KDM2B: variants seen among roughly 807,000 people sequenced by gnomAD.
KDM2B encodes the protein lysine demethylase 2B.
A neutral mutation model predicts 150.0 loss-of-function variants in KDM2B; 26 were observed. The ratio of observed to expected loss-of-function variants is 0.17; its 90% CI spans 0.13 to 0.24. The LOEUF is 0.24. Ranked by LOEUF, KDM2B falls within the 10% of genes least tolerant of loss-of-function variation. The pLI, the probability that KDM2B is intolerant of heterozygous loss-of-function variation, is 1.00. For missense variants in KDM2B, 1,265 were observed against 1,816.9 expected (o/e 0.70, Z 5.52); for synonymous variants, 734 against 729.5 (o/e 1.01, Z -0.10).
chr12:121,538,790 C>T (rs1211371256), intron 6 of KDM2B, among the ~76,000 whole-genome samples: 2 of 152,114 alleles, frequency 1.3e-5, no homozygotes, highest in Non-Finnish European at 2.9e-5. Flanking sequence ...CTATCAGAGG[C>T]AGTGCTCACC....
chr12:121,478,228 T>C (rs1342432972), intron 12 of KDM2B, among the ~76,000 whole-genome samples: 1 of 151,868 alleles, frequency 6.6e-6, no homozygotes, highest in Admixed American at 6.6e-5. Flanking sequence ...GTTTGTTATA[T>C]AGGTAAATGG....
chr12:121,445,585 A>G (rs782545119), intron 13 of KDM2B, among the ~76,000 whole-genome samples, 167 bp from the exon 14 acceptor site: 2 of 152,202 alleles, frequency 1.3e-5, no homozygotes, highest in Non-Finnish European at 2.9e-5. Flanking sequence ...GTATCAGGCT[A>G]CTACCTCCAC....
chr12:121,516,900 A>AG (rs1555305111), intron 9 of KDM2B: 1 of 670,054 alleles, frequency 1.5e-6, no homozygotes, highest in East Asian at 2.7e-5. Flanking sequence ...GGAAAAAAAA[A>AG]AAAGTCCAAT....
At chr12:121,516,956 A>G in intron 9 of KDM2B, 1 of 636,992 alleles carries the variant, frequency 1.6e-6, no homozygotes, top group Admixed American at 2.8e-5. Flanking sequence ...GCAATTTCCA[A>G]ATAGATTCAG....
At position 121,523,805 on chromosome 12, in the gene KDM2B, G is replaced by C. The variant is rs1452222418; in HGVS notation, c.932-2705C>G. On this transcript the variant is annotated intron_variant, in intron 8 of 22. Transcript: ENST00000377071. ...AACCTCGTTCTGTGCCTGGCTCCCC[G>C]GGTCTCTGGCGTGAGCCATGAAAGA... 3.9e-5 allele frequency among the ~76,000 whole-genome samples: 6 copies of C among 152,222 alleles called. 1 individual carries two copies. Among genetic ancestry groups the C allele is most frequent in the African/African-American group, 1.4e-4 (6 of 41,454 alleles).
At position 121,533,279 on chromosome 12, in the gene KDM2B, G is replaced by C. The variant is rs1887817489; in HGVS notation, c.778-320C>G. Among the ~76,000 whole-genome samples, 1 of 152,196 alleles carries C rather than the reference G, an allele frequency of 6.6e-6. No homozygotes were observed. Among genetic ancestry groups the C allele is most frequent in the Non-Finnish European group, 1.5e-5 (1 of 68,030 alleles). On this transcript the variant is annotated intron_variant, in intron 7 of 22. Coordinates refer to ENST00000377071, the MANE Select transcript of KDM2B (RefSeq NM_032590.5). The surrounding 1 kb of genome is among the most constrained non-coding windows in gnomAD (Gnocchi z 4.1). ...TTGTCTAGGAGGTGGGGGAAGGAGA[G>C]GAAGGGAATTTCCTAAGTTGTAAGA...
At chr12:121,570,166 C>A (rs1209157850) in intron 4 of KDM2B, among the ~76,000 whole-genome samples, 1 of 152,126 alleles carries the variant, frequency 6.6e-6, no homozygotes, top group Non-Finnish European at 1.5e-5. Context: ...TCTCCTGCCT[C>A]AGCCCCCCAA....
chr12:121,483,510 T>TA (rs1212884658), intron 12 of KDM2B, among the ~76,000 whole-genome samples: 6 of 151,474 alleles, frequency 4.0e-5, no homozygotes, highest in East Asian at 1.9e-4. Context: ...CCATCTCTAC[T>TA]AAAAAAAATA....
chr12:121,505,789 T>A (rs1555302828), intron 11 of KDM2B, among the ~76,000 whole-genome samples: 1 of 152,034 alleles, frequency 6.6e-6, no homozygotes, highest in African/African-American at 2.4e-5. Flanking sequence ...GAAACACGAA[T>A]CCCTCAATGG....
intron 13 of KDM2B, among the ~76,000 whole-genome samples, chr12:121,450,974 C>T (rs536350091): frequency 1.1e-4 from 17 of 152,272 alleles, no homozygotes; most frequent in Admixed American, 5.9e-4. Context: ...AAAATAGAAT[C>T]GTCATATGAC....
At chr12:121,448,081 G>A (rs1039335073) in intron 13 of KDM2B, among the ~76,000 whole-genome samples, 3 of 152,100 alleles carry the variant, frequency 2.0e-5, no homozygotes, top group African/African-American at 7.2e-5. Flanking sequence ...CACTTTGGGA[G>A]GCCAAGGCAG....
rs113925677 is a variant in KDM2B at position 121,571,653 on chromosome 12, A to AT, written c.397+2893dup. Among the ~76,000 whole-genome samples the AT allele has an allele frequency of 3.3e-3, 438 of 134,098 alleles. 2 individuals are homozygous for AT. Among genetic ancestry groups the AT allele is most frequent in the South Asian group, 0.012 (49 of 4,190 alleles). The allele number at this position is 134,098 out of a possible 152,430, so 88.0% of individuals were successfully genotyped here. ...TTTATAGTATGTGAATATGATCTCAATTTTTTTTTTTTTTTGAGACAGTGT... is the reference window on the plus strand; with the variant it reads ...TTTATAGTATGTGAATATGATCTCAATTTTTTTTTTTTTTTTGAGACAGTGT... On this transcript the variant is annotated intron_variant, in intron 4 of 22. Coordinates refer to ENST00000377071, the MANE Select transcript of KDM2B (RefSeq NM_032590.5).
chr12:121,540,899 G>C (rs138063816), intron 6 of KDM2B, among the ~76,000 whole-genome samples: 21 of 151,916 alleles, frequency 1.4e-4, no homozygotes, highest in African/African-American at 4.8e-4. Context: ...GCAGGGCAGA[G>C]ATGGCAGGAC....
intron 3 of KDM2B, 77 bp from the exon 4 acceptor site, chr12:121,574,670 G>A: frequency 2.2e-6 from 3 of 1,343,392 alleles, no homozygotes; most frequent in Non-Finnish European, 3.2e-6. Flanking sequence ...CCGGGGGGAA[G>A]CCATTTTTCC....
intron 6 of KDM2B, among the ~76,000 whole-genome samples, chr12:121,539,356 GAA>G (rs1486233277): frequency 1.2e-5 from 1 of 84,708 alleles, no homozygotes; most frequent in Admixed American, 1.2e-4. Context: ...AAAAAAAAAA[GAA>G]AGAAAAGGAT....
intron 4 of KDM2B, among the ~76,000 whole-genome samples, chr12:121,552,340 C>T (rs1889566294): frequency 1.3e-5 from 2 of 152,128 alleles, no homozygotes; most frequent in African/African-American, 2.4e-5. Flanking sequence ...TCCCATCCCC[C>T]GAATACTGAA....
intron 11 of KDM2B, 31 bp downstream of exon 11, chr12:121,509,536 C>A: frequency 6.2e-7 from 1 of 1,602,956 alleles, no homozygotes; most frequent in South Asian, 1.1e-5. Flanking sequence ...CCCTCCTCGG[C>A]CGCCCAGCCC....
intron 4 of KDM2B, among the ~76,000 whole-genome samples, chr12:121,563,643 G>A (rs1161146472): frequency 6.6e-6 from 1 of 151,184 alleles, no homozygotes; most frequent in Non-Finnish European, 1.5e-5. Flanking sequence ...AAAAGGCCAG[G>A]CACAGTGGCT....
At chr12:121,531,981 TACTTGGGAGGCTGAG>T (rs1289912583) in intron 8 of KDM2B, among the ~76,000 whole-genome samples, 34 of 151,984 alleles carry the variant, frequency 2.2e-4, no homozygotes, top group Middle Eastern at 3.4e-3. Context: ...TAATCCCAGC[TACTTGGGAGGCTGAG>T]ACTTGGGAGG....
Sources: allele counts gnomAD v4.1 joint callset (sites outside exome capture counted in the v4.1 genomes callset), GRCh38; gene constraint gnomAD v4.1.1; non-coding constraint Gnocchi (gnomAD v3.1); transcripts MANE v1.5; gene names NCBI Gene and HGNC (gene_info 2026-07-23, HGNC 2026-07-21).